The following SMAD2 variants were observed in gnomAD, a reference collection of about 807,000 sequenced individuals.
SMAD2 encodes the protein SMAD family member 2.
A neutral mutation model predicts 64.4 loss-of-function variants in SMAD2; 8 were observed. That is an observed-to-expected ratio of 0.12 (90% CI 0.07 to 0.22). The LOEUF (loss-of-function observed/expected upper bound fraction) is 0.22, where lower values mean the gene tolerates loss of function less well. Ranked by LOEUF, SMAD2 falls within the 10% of genes least tolerant of loss-of-function variation. The probability of loss-of-function intolerance (pLI) is 1.00; values close to 1 mark genes in which losing one functional copy is unlikely to be tolerated. For missense variants in SMAD2, 289 were observed against 561.2 expected (o/e 0.51, Z 4.90); for synonymous variants, 203 against 195.8 (o/e 1.04, Z -0.31).
Position 47,833,184 on chromosome 18 carries a change from A to G in SMAD2, c.*8643T>C, listed in dbSNP as rs1913082858. 1.4e-5 allele frequency: 3 copies of G among 207,932 alleles called. No individual in the cohort carries two copies. The highest frequency in any genetic ancestry group is 7.3e-5 in the East Asian group (1 of 13,728). 12.9% of individuals were successfully genotyped at this position (207,932 alleles called of 1,614,324 possible). On this transcript the variant is annotated 3_prime_UTR_variant, in exon 11 of 11. Transcript: ENST00000262160. ...TGACAGGGCTGTTAACACAGGTAAG[A>G]GCAAACAAGGTAAAAAGTGAAAGCA...
chr18:47,892,270 G>A (rs1301134214), intron 2 of SMAD2, among the ~76,000 whole-genome samples: 1 of 151,472 alleles, frequency 6.6e-6, no homozygotes, highest in Non-Finnish European at 1.5e-5. Flanking sequence ...CTCAATCTGG[G>A]CTCACCGCAA....
At chr18:47,927,451 G>C (rs1453121477) in intron 1 of SMAD2, among the ~76,000 whole-genome samples, 2 of 152,186 alleles carry the variant, frequency 1.3e-5, no homozygotes, top group African/African-American at 4.8e-5. Flanking sequence ...CTAAACACTG[G>C]AGAATAGGGC....
At chr18:47,877,312 C>T (rs535407416) in intron 2 of SMAD2, among the ~76,000 whole-genome samples, 39 of 152,208 alleles carry the variant, frequency 2.6e-4, no homozygotes, top group Non-Finnish European at 4.9e-4. Context: ...CTCTTGATTA[C>T]TGATCTACTC....
chr18:47,850,092 G>A (rs1251170539), intron 7 of SMAD2, among the ~76,000 whole-genome samples: 1 of 142,148 alleles, frequency 7.0e-6, no homozygotes, highest in East Asian at 2.0e-4. Context: ...TTTTCAATCT[G>A]CAGTTGGTTG....
intron 1 of SMAD2, among the ~76,000 whole-genome samples, chr18:47,919,179 G>C (rs1001552910): frequency 6.6e-6 from 1 of 151,970 alleles, no homozygotes; most frequent in Non-Finnish European, 1.5e-5. Flanking sequence ...CAATGGCTTC[G>C]TAATTCTGGG....
rs1448270610 is a variant in SMAD2 at position 47,810,988 on chromosome 18, T to A, written c.*30839A>T. The A allele has an allele frequency of 1.3e-5, 2 of 152,252 alleles. No homozygotes were observed. The highest frequency in any genetic ancestry group is 3.8e-4 in the East Asian group (2 of 5,202). The allele number at this position is 152,252 out of a possible 1,614,324, so 9.4% of individuals were successfully genotyped here. On this transcript the variant is annotated 3_prime_UTR_variant, in exon 11 of 11. Transcript: ENST00000262160. ...TTAGCCTCGAAGTTTTCTGTTGGCA[T>A]GAGCACTACGATCCCCCAAGGAGTG...
intron 6 of SMAD2, among the ~76,000 whole-genome samples, chr18:47,851,750 A>T (rs1036147651): frequency 6.6e-6 from 1 of 151,912 alleles, no homozygotes; most frequent in Non-Finnish European, 1.5e-5. Flanking sequence ...GTCTATCTAC[A>T]TATCAATTAG....
At position 47,870,464 on chromosome 18, in the gene SMAD2, A is replaced by G. The variant is rs2031865048; in HGVS notation, c.326+11T>C. 1 of 1,538,994 alleles carries G rather than the reference A, an allele frequency of 6.5e-7. No homozygotes were observed. The highest frequency in any genetic ancestry group is 9.0e-7 in the Non-Finnish European group (1 of 1,111,576). On this transcript the variant is annotated intron_variant, in intron 3 of 10. Coordinates refer to ENST00000262160, the MANE Select transcript of SMAD2 (RefSeq NM_005901.6). ...AGATCTCTAAGATTCGACAGAGGGC[A>G]GAATATTCACCTGGTTTGTTCAGAG... is the stretch of plus-strand genomic sequence containing the variant.
At chr18:47,869,059 A>G (rs908724307) in intron 4 of SMAD2, among the ~76,000 whole-genome samples, 184 bp downstream of exon 4, 3 of 151,818 alleles carry the variant, frequency 2.0e-5, no homozygotes, top group Non-Finnish European at 2.9e-5. Context: ...CAAGAAACAG[A>G]TATGTTTTCT....
At chr18:47,870,357 A>G in intron 3 of SMAD2, 118 bp downstream of exon 3, 1 of 747,526 alleles carries the variant, frequency 1.3e-6, no homozygotes, top group East Asian at 2.5e-5. Context: ...GCTATGCCTT[A>G]TTTTACATTA....
At chr18:47,855,834 C>CTG (rs2144333536) in intron 6 of SMAD2, among the ~76,000 whole-genome samples, 1 of 152,172 alleles carries the variant, frequency 6.6e-6, no homozygotes, top group East Asian at 1.9e-4. Flanking sequence ...AATACACCAC[C>CTG]CATCTCTCCT....
intron 1 of SMAD2, among the ~76,000 whole-genome samples, chr18:47,928,010 G>C (rs1176857324): frequency 6.6e-6 from 1 of 152,126 alleles, no homozygotes; most frequent in Non-Finnish European, 1.5e-5. Context: ...ATACTTAGGG[G>C]AAAACATCTT....
Position 47,824,589 on chromosome 18 carries a change from TTTAGG to T in SMAD2, c.*17233_*17237del, listed in dbSNP as rs1341829846. ...ATTTTCTTTTAGAAAGCCTCTGTTA[TTTAGG>T]TTGACAGTTATTACACCTGAAAACT... On this transcript the variant is annotated 3_prime_UTR_variant, in exon 11 of 11. Coordinates refer to ENST00000262160, the MANE Select transcript of SMAD2 (RefSeq NM_005901.6). 6.6e-6 allele frequency: 1 copy of T among 152,228 alleles called. No homozygotes were observed. The highest frequency in any genetic ancestry group is 1.5e-5 in the Non-Finnish European group (1 of 68,038). 9.4% of individuals were successfully genotyped at this position (152,228 alleles called of 1,614,324 possible).
At chr18:47,888,783 C>T (rs1216206777) in intron 2 of SMAD2, among the ~76,000 whole-genome samples, 1 of 151,882 alleles carries the variant, frequency 6.6e-6, no homozygotes, top group Non-Finnish European at 1.5e-5. Flanking sequence ...ATATGGCATA[C>T]AATAAAAGCT....
rs569938952 is a variant in SMAD2, at chr18:47,834,220, G to T, written c.*7607C>A. 1 of 211,462 alleles carries T rather than the reference G, an allele frequency of 4.7e-6. No homozygotes were observed. The highest frequency in any genetic ancestry group is 7.1e-5 in the East Asian group (1 of 14,146). The allele number at this position is 211,462 out of a possible 1,614,324, so 13.1% of individuals were successfully genotyped here. On this transcript the variant is annotated 3_prime_UTR_variant, in exon 11 of 11. Coordinates refer to ENST00000262160, the MANE Select transcript of SMAD2 (RefSeq NM_005901.6). ...ATAAATCACAAGAACACCTAAGGTG[G>T]TCAGCTCCTTCTGGTGTGCCTGGGA... is the stretch of plus-strand genomic sequence containing the variant.
rs146183635 is a variant in SMAD2 at position 47,925,552 on chromosome 18, C to T, written c.-54+4809G>A. ...ACATGAAATTGCTGAACTGAAGCTG[C>T]GAGCTATCTTTGAGATGTAAATCTA... On this transcript the variant is annotated intron_variant, in intron 1 of 10. Transcript: ENST00000262160. 2.3e-3 allele frequency among the ~76,000 whole-genome samples: 313 copies of T among 134,846 alleles called. 1 individual carries two copies. Among genetic ancestry groups the T allele is most frequent in the Middle Eastern group, 7.2e-3 (2 of 278 alleles). 88.5% of individuals were successfully genotyped at this position (134,846 alleles called of 152,430 possible).
At chr18:47,892,209 T>C (rs199588245) in intron 2 of SMAD2, among the ~76,000 whole-genome samples, 72,224 of 150,508 alleles carry the variant, frequency 0.48, 18,427 homozygotes, top group East Asian at 0.8. Flanking sequence ...TTTTTTTTTT[T>C]TTTTTTTTTG....
In SMAD2 at chr18:47,809,627, C is replaced by T. The variant is rs945772321; in HGVS notation, c.*32200G>A. ...AGCTCAAGAACCGGGCAGTGATTCC[C>T]ATCTTATAAGAGCTTTGTTGGATGA... is the stretch of plus-strand genomic sequence containing the variant. On this transcript the variant is annotated 3_prime_UTR_variant, in exon 11 of 11. Transcript: ENST00000262160. The T allele has an allele frequency of 1.3e-5, 2 of 152,234 alleles. No homozygotes were observed. The highest frequency in any genetic ancestry group is 4.8e-5 in the African/African-American group (2 of 41,450). 9.4% of individuals were successfully genotyped at this position (152,234 alleles called of 1,614,324 possible).
chr18:47,820,030 A>C lies in SMAD2; in HGVS notation c.*21797T>G, dbSNP rs1160526575. 1.3e-5 allele frequency: 2 copies of C among 152,132 alleles called. No individual in the cohort carries two copies. Among genetic ancestry groups the C allele is most frequent in the African/African-American group, 4.8e-5 (2 of 41,426 alleles). The allele number at this position is 152,132 out of a possible 1,614,324, so 9.4% of individuals were successfully genotyped here. A position where few individuals can be genotyped will look rare whatever the true frequency, so the allele number is the denominator to read the frequency against. Reference sequence around the variant, plus strand: ...TTGTCTCTAAAAAATAAACCAAAAGAATGTTTTTAAAAATAGGATGTTAAT... The same window carrying C: ...TTGTCTCTAAAAAATAAACCAAAAGCATGTTTTTAAAAATAGGATGTTAAT... On this transcript the variant is annotated 3_prime_UTR_variant, in exon 11 of 11. Coordinates refer to ENST00000262160, the MANE Select transcript of SMAD2 (RefSeq NM_005901.6).
Sources: gnomAD v4.1 joint callset for allele counts (sites outside exome capture counted in the v4.1 genomes callset) on GRCh38, gnomAD v4.1.1 for gene constraint, MANE v1.5 for transcripts, NCBI Gene and HGNC (gene_info 2026-07-23, HGNC 2026-07-21) for gene names.